The following SLC25A26 variants were observed in gnomAD, a reference collection of about 807,000 sequenced individuals.
The protein encoded by SLC25A26 is solute carrier family 25 member 26.
In SLC25A26, 36 loss-of-function variants were observed where a neutral mutation model predicts 37.8. The ratio of observed to expected loss-of-function variants is 0.95; its 90% confidence interval spans 0.73 to 1.26. The LOEUF is 1.26. Among genes scored for constraint, SLC25A26 ranks in the 50% most tolerant of loss-of-function variants. The pLI, the probability that SLC25A26 is intolerant of heterozygous loss-of-function variation, is 0.00. For missense variants in SLC25A26, 390 were observed against 331.1 expected, an observed-to-expected ratio of 1.18 and a Z score of -1.38; for synonymous variants, 129 against 122.5, an observed-to-expected ratio of 1.05 and a Z score of -0.35.
chr3:66,343,740 C>T (rs1219605579), intron 5 of SLC25A26, among the ~76,000 whole-genome samples: 1 of 152,024 alleles, frequency 6.6e-6, no homozygotes, highest in Non-Finnish European at 1.5e-5. Flanking sequence ...AAATATTTAC[C>T]TTCTTACTAA....
intron 1 of SLC25A26, among the ~76,000 whole-genome samples, chr3:66,164,000 A>G (rs912111690): frequency 1.2e-4 from 19 of 152,326 alleles, no homozygotes; most frequent in African/African-American, 4.6e-4. Context: ...GGAAGCCCCT[A>G]TAGTAAAAAA....
rs992335877 is a variant in SLC25A26 at position 66,378,881 on chromosome 3, A to G, written c.*1074A>G. ...ATATTTTACATGGTTTTCAATGTACACTGTACCAAAATTTCTATAAATAAA... is the reference window on the plus strand; with the variant it reads ...ATATTTTACATGGTTTTCAATGTACGCTGTACCAAAATTTCTATAAATAAA... On this transcript the variant is annotated 3_prime_UTR_variant, in exon 10 of 10. Transcript: ENST00000354883. The G allele has an allele frequency of 6.5e-6, 1 of 152,692 alleles. No individual in the cohort carries two copies. Among genetic ancestry groups the G allele is most frequent in the African/African-American group, 2.4e-5 (1 of 41,464 alleles). 9.5% of individuals were successfully genotyped at this position (152,692 alleles called of 1,614,324 possible).
At chr3:66,327,402 A>G (rs1016465850) in intron 5 of SLC25A26, among the ~76,000 whole-genome samples, 1 of 152,162 alleles carries the variant, frequency 6.6e-6, no homozygotes, top group African/African-American at 2.4e-5. Context: ...TTCCACTTAT[A>G]ATTGTTTTAT....
At chr3:66,359,011 A>G (rs1256733275) in intron 6 of SLC25A26, among the ~76,000 whole-genome samples, 2 of 152,034 alleles carry the variant, frequency 1.3e-5, no homozygotes, top group Non-Finnish European at 2.9e-5. Context: ...TCTTCTAGAG[A>G]TTTTTTGTTT....
chr3:66,293,995 C>T (rs2074808391), intron 5 of SLC25A26, among the ~76,000 whole-genome samples: 1 of 151,936 alleles, frequency 6.6e-6, no homozygotes, highest in Non-Finnish European at 1.5e-5. Flanking sequence ...ACCTTGGCTA[C>T]CTGGGCTCTT....
chr3:66,207,293 A>G (rs2071194187), intron 1 of SLC25A26, among the ~76,000 whole-genome samples: 1 of 152,080 alleles, frequency 6.6e-6, no homozygotes, highest in Admixed American at 6.6e-5. Context: ...CATCCTTTAG[A>G]CCATACTAGT....
chr3:66,206,977 A>G (rs2071189111), intron 1 of SLC25A26, among the ~76,000 whole-genome samples: 1 of 150,242 alleles, frequency 6.7e-6, no homozygotes, highest in East Asian at 2.0e-4. Flanking sequence ...CCTGGGCTCA[A>G]GTCATCTGTC....
intron 6 of SLC25A26, among the ~76,000 whole-genome samples, chr3:66,351,715 C>T (rs1422453913): frequency 2.6e-5 from 4 of 152,146 alleles, no homozygotes; most frequent in Admixed American, 1.3e-4. Flanking sequence ...CCTAGTTGGT[C>T]CACTTCTCAG....
intron 3 of SLC25A26, among the ~76,000 whole-genome samples, chr3:66,248,799 C>T (rs782774071): frequency 6.6e-6 from 1 of 152,182 alleles, no homozygotes; most frequent in Non-Finnish European, 1.5e-5. Context: ...AACAGTACTT[C>T]CCCAAGAAGG....
At chr3:66,161,045 A>C (rs1440208606) in intron 1 of SLC25A26, among the ~76,000 whole-genome samples, 1 of 152,132 alleles carries the variant, frequency 6.6e-6, no homozygotes, top group Non-Finnish European at 1.5e-5. Flanking sequence ...TCTGGCTGTC[A>C]CAGCTTTTAA....
chr3:66,338,658 A>C (rs1337465626), intron 5 of SLC25A26, among the ~76,000 whole-genome samples: 1 of 151,976 alleles, frequency 6.6e-6, no homozygotes, highest in Non-Finnish European at 1.5e-5. Context: ...CCTTTTTATC[A>C]CTTCAGACAG....
At chr3:66,347,458 A>C (rs2076352976) in intron 6 of SLC25A26, among the ~76,000 whole-genome samples, 1 of 152,238 alleles carries the variant, frequency 6.6e-6, no homozygotes, top group Admixed American at 6.5e-5. Flanking sequence ...GGCGATTATT[A>C]AAAAGTCAAG....
chr3:66,222,147 G>T (rs145934192), intron 1 of SLC25A26, among the ~76,000 whole-genome samples: 3 of 151,952 alleles, frequency 2.0e-5, no homozygotes, highest in South Asian at 2.1e-4. Context: ...CTTGTATAAG[G>T]TAGGTCTTAG....
At chr3:66,300,619 A>T (rs1393092711) in intron 5 of SLC25A26, among the ~76,000 whole-genome samples, 1 of 152,134 alleles carries the variant, frequency 6.6e-6, no homozygotes, top group Non-Finnish European at 1.5e-5. Context: ...ACATCCTCCT[A>T]GGGATAATGT....
intron 2 of SLC25A26, among the ~76,000 whole-genome samples, chr3:66,239,820 T>TC (rs1416076567): frequency 2.3e-5 from 3 of 130,440 alleles, no homozygotes; most frequent in Non-Finnish European, 5.3e-5. Flanking sequence ...TTCTTTCTTT[T>TC]TTTTTTTTTT....
intron 1 of SLC25A26, among the ~76,000 whole-genome samples, chr3:66,161,631 G>A (rs1410867925): frequency 6.6e-6 from 1 of 152,192 alleles, no homozygotes; most frequent in African/African-American, 2.4e-5. Flanking sequence ...CCAAATTCAT[G>A]TCTTTTCTTC....
chr3:66,288,749 C>T (rs1471954682), intron 5 of SLC25A26, among the ~76,000 whole-genome samples: 1 of 152,110 alleles, frequency 6.6e-6, no homozygotes, highest in South Asian at 2.1e-4. Flanking sequence ...AGGTTGGTTC[C>T]AAGTCTTTGC....
At chr3:66,141,071 A>G (rs963966126) in intron 1 of SLC25A26, among the ~76,000 whole-genome samples, 6 of 147,498 alleles carry the variant, frequency 4.1e-5, no homozygotes, top group Non-Finnish European at 6.0e-5. Flanking sequence ...ACACACACAC[A>G]CGCAAATGAG....
chr3:66,348,769 T>A (rs2076384964), intron 6 of SLC25A26, among the ~76,000 whole-genome samples: 1 of 152,218 alleles, frequency 6.6e-6, no homozygotes, highest in South Asian at 2.1e-4. Flanking sequence ...TTAATATAGT[T>A]TTTTGGCTCT....
Sources: gnomAD v4.1 joint callset for allele counts (sites outside exome capture counted in the v4.1 genomes callset) on GRCh38, gnomAD v4.1.1 for gene constraint, MANE v1.5 for transcripts, NCBI Gene and HGNC (gene_info 2026-07-23, HGNC 2026-07-21) for gene names.